Variants in SCMH1 observed in about 807,000 individuals in gnomAD.
SCMH1 encodes polycomb protein SCMH1.
A neutral mutation model predicts 70.8 loss-of-function variants in SCMH1; 37 were observed. The observed-to-expected ratio is 0.52, with a 90% CI of 0.40 to 0.69. The LOEUF is 0.69. SCMH1 is among the 30% of genes least tolerant of loss of function. SCMH1 has a pLI of 0.00. For synonymous variants in SCMH1, 292 were observed against 307.4 expected, an observed-to-expected ratio of 0.95 and a Z score of 0.52; for missense variants, 607 against 827.3, an observed-to-expected ratio of 0.73 and a Z score of 3.27.
intron 1 of SCMH1, among the ~76,000 whole-genome samples, chr1:41,203,196 C>T (rs1033558005): frequency 6.6e-6 from 1 of 151,986 alleles, no homozygotes; most frequent in African/African-American, 2.4e-5. Context: ...AATTCAGATG[C>T]TAAATTTTCA....
At chr1:41,117,727 A>T (rs1670879481) in intron 6 of SCMH1, among the ~76,000 whole-genome samples, 1 of 152,202 alleles carries the variant, frequency 6.6e-6, no homozygotes, top group Non-Finnish European at 1.5e-5. Context: ...GTCTCTGATT[A>T]GTAGAAATAA....
chr1:41,155,736 C>G (rs150498549), intron 4 of SCMH1, among the ~76,000 whole-genome samples: 2,474 of 152,204 alleles, frequency 0.016, 26 homozygotes, highest in South Asian at 0.03. Context: ...AATCCCAGCA[C>G]TTTGGGAGGC....
chr1:41,038,048 A>G (rs1243978056), intron 12 of SCMH1: 1 of 153,332 alleles, frequency 6.5e-6, no homozygotes, highest in Non-Finnish European at 1.5e-5. Context: ...TTCTACAGAA[A>G]CACTTCAAGG....
At chr1:41,235,619 G>C (rs1339947766) in intron 1 of SCMH1, among the ~76,000 whole-genome samples, 1 of 144,470 alleles carries the variant, frequency 6.9e-6, no homozygotes, top group African/African-American at 2.5e-5. Context: ...TATATAAAAG[G>C]CATAAAGAAT....
chr1:41,177,157 C>T (rs1277489679), intron 2 of SCMH1, among the ~76,000 whole-genome samples: 2 of 152,184 alleles, frequency 1.3e-5, no homozygotes, highest in Non-Finnish European at 2.9e-5. Flanking sequence ...CAGCAAACTC[C>T]GATAGACCTG....
chr1:41,164,971 T>C (rs796348734), intron 2 of SCMH1, among the ~76,000 whole-genome samples: 5 of 152,226 alleles, frequency 3.3e-5, no homozygotes, highest in African/African-American at 9.6e-5. Context: ...TGCTCTGCAA[T>C]AGAACACCAG....
At chr1:41,218,580 G>A (rs1352495022) in intron 1 of SCMH1, among the ~76,000 whole-genome samples, 1 of 152,158 alleles carries the variant, frequency 6.6e-6, no homozygotes, top group Non-Finnish European at 1.5e-5. Flanking sequence ...CTAGCCTCCA[G>A]ACTGAGAGAA....
chr1:41,184,703 A>G (rs1649713353), intron 2 of SCMH1, among the ~76,000 whole-genome samples: 1 of 152,106 alleles, frequency 6.6e-6, no homozygotes, highest in Non-Finnish European at 1.5e-5. Context: ...AGGATTGGTT[A>G]TACACTAAAA....
Position 41,101,292 on chromosome 1 carries a change from T to A in SCMH1, c.745+11991A>T, listed in dbSNP as rs955882764. ...TATAATCTCTGCCTGTGGGAGCATT[T>A]AAGTAACAGCAAATAAGCATTTATA... On this transcript the variant is annotated intron_variant, in intron 8 of 14. Coordinates refer to ENST00000337495, the Ensembl canonical transcript of SCMH1. Among the ~76,000 whole-genome samples the A allele has an allele frequency of 5.9e-5, 9 of 152,308 alleles. No homozygotes were observed. The East Asian group carries it at 1.7e-3, about 29-fold the overall frequency.
chr1:41,061,298 T>TA lies in SCMH1; in HGVS notation c.1105+9296dup, dbSNP rs765224165. The stretch of plus-strand genomic sequence containing the variant: ...GTAAATGATTATTTTTAAAAATTTT[T>TA]AAAAAACCAAGACCCAAGTTTATGT... On this transcript the variant is annotated intron_variant, in intron 10 of 14. Transcript: ENST00000337495. 1.9e-4 allele frequency among the ~76,000 whole-genome samples: 29 copies of TA among 152,290 alleles called. No individual in the cohort carries two copies. The East Asian group carries it at 5.4e-3, about 28-fold the overall frequency.
chr1:41,197,109 G>A (rs1408755439), intron 1 of SCMH1, among the ~76,000 whole-genome samples: 1 of 152,112 alleles, frequency 6.6e-6, no homozygotes, highest in Admixed American at 6.6e-5. Flanking sequence ...AATGTAAAAT[G>A]GTATAGCTGC....
intron 9 of SCMH1, 23 bp downstream of exon 9, chr1:41,075,196 T>C: frequency 6.2e-7 from 1 of 1,611,370 alleles, no homozygotes; most frequent in South Asian, 1.1e-5. Context: ...TATTCCTTTC[T>C]GGGAAACCCA....
chr1:41,085,341 A>G (rs1661295257), intron 8 of SCMH1, among the ~76,000 whole-genome samples: 1 of 152,270 alleles, frequency 6.6e-6, no homozygotes, highest in South Asian at 2.1e-4. Flanking sequence ...TTAAGCACTC[A>G]AGAAAATATA....
intron 13 of SCMH1, among the ~76,000 whole-genome samples, chr1:41,031,420 A>G (rs912622337): frequency 2.0e-5 from 3 of 152,162 alleles, no homozygotes; most frequent in African/African-American, 7.2e-5. Flanking sequence ...ATTTGCCTTC[A>G]TTCTGGGTCC....
At chr1:41,197,460 G>A (rs547577530) in intron 1 of SCMH1, among the ~76,000 whole-genome samples, 31 of 152,240 alleles carry the variant, frequency 2.0e-4, no homozygotes, top group South Asian at 1.7e-3. Flanking sequence ...ACTACTGTAC[G>A]ATTCTACTTA....
At chr1:41,167,877 T>C (rs1251867047) in intron 2 of SCMH1, among the ~76,000 whole-genome samples, 3 of 151,754 alleles carry the variant, frequency 2.0e-5, no homozygotes, top group Non-Finnish European at 1.5e-5. Flanking sequence ...AAAGACAGGA[T>C]TGCTGGGTAT....
chr1:41,049,977 G>C (rs1414204417), intron 10 of SCMH1, among the ~76,000 whole-genome samples: 1 of 151,188 alleles, frequency 6.6e-6, no homozygotes, highest in Non-Finnish European at 1.5e-5. Flanking sequence ...AACTGCTTGA[G>C]CCCAGGAGTT....
chr1:41,095,969 A>G (rs6687362), intron 8 of SCMH1, among the ~76,000 whole-genome samples: 2,034 of 152,326 alleles, frequency 0.013, 46 homozygotes, highest in African/African-American at 0.047. Context: ...ATATTTAGTG[A>G]AAAACAGAAT....
At chr1:41,144,472 T>C (rs564198591) in intron 5 of SCMH1, among the ~76,000 whole-genome samples, 16 of 152,348 alleles carry the variant, frequency 1.1e-4, no homozygotes, top group Middle Eastern at 3.4e-3. Context: ...TATTCCATTG[T>C]ATGGATATAC....
Sources: allele counts gnomAD v4.1 joint callset (sites outside exome capture counted in the v4.1 genomes callset), GRCh38; gene constraint gnomAD v4.1.1; transcripts MANE v1.5; gene names NCBI Gene and HGNC (gene_info 2026-07-23, HGNC 2026-07-21).